Variants in EYS observed in about 807,000 individuals in gnomAD.
EYS encodes the protein EGF-like photoreceptor maintenance factor, also known as protein eyes shut homolog.
In EYS, 250 loss-of-function variants were observed where a neutral mutation model predicts 282.1. The observed-to-expected ratio is 0.89, with a 90% CI of 0.80 to 0.98. The LOEUF (loss-of-function observed/expected upper bound fraction) is 0.98, where lower values mean the gene tolerates loss of function less well. EYS is among the 50% of genes least tolerant of loss of function. The pLI is 0.00. For missense variants in EYS, 4,016 were observed against 3,709.0 expected (o/e 1.08, Z -2.15); for synonymous variants, 1,355 against 1,282.9 (o/e 1.06, Z -1.20).
chr6:64,443,986 T>C (rs1281278235), intron 26 of EYS, among the ~76,000 whole-genome samples: 2 of 152,168 alleles, frequency 1.3e-5, no homozygotes, highest in Non-Finnish European at 2.9e-5. Flanking sequence ...CATGTCCCTA[T>C]TATTACAGTG....
intron 12 of EYS, among the ~76,000 whole-genome samples, chr6:65,089,443 A>G (rs1056737272): frequency 6.6e-6 from 1 of 152,132 alleles, no homozygotes; most frequent in Admixed American, 6.5e-5. Flanking sequence ...TGACTGCCCT[A>G]TTAGATTTTG....
At chr6:65,321,773 C>G (rs1225400756) in intron 11 of EYS, among the ~76,000 whole-genome samples, 1 of 152,164 alleles carries the variant, frequency 6.6e-6, no homozygotes, top group African/African-American at 2.4e-5. Flanking sequence ...GTTGTGTGAG[C>G]TGGTAGGGGG....
intron 2 of EYS, among the ~76,000 whole-genome samples, chr6:65,617,282 C>T (rs927559549): frequency 2.0e-5 from 3 of 152,044 alleles, no homozygotes; most frequent in African/African-American, 4.8e-5. Context: ...GTGAACGAAG[C>T]TATTGATTTA....
intron 26 of EYS, among the ~76,000 whole-genome samples, chr6:64,464,768 A>G: frequency 6.6e-6 from 1 of 152,172 alleles, no homozygotes; most frequent in South Asian, 2.1e-4. Context: ...CTATAAAAAT[A>G]CAAAGTACTA....
chr6:64,332,922 T>C (rs1770699839), intron 29 of EYS, among the ~76,000 whole-genome samples: 1 of 152,212 alleles, frequency 6.6e-6, no homozygotes, highest in Non-Finnish European at 1.5e-5. Flanking sequence ...GAAGGGTGCT[T>C]ATGCATAGTA....
chr6:64,496,442 G>A (rs543711439), intron 26 of EYS, among the ~76,000 whole-genome samples: 2 of 152,024 alleles, frequency 1.3e-5, no homozygotes, highest in South Asian at 4.1e-4. Flanking sequence ...CAAGGGCTCT[G>A]ACTTAATTTT....
chr6:65,605,723 A>G (rs1267289212), intron 2 of EYS, among the ~76,000 whole-genome samples: 2 of 151,846 alleles, frequency 1.3e-5, no homozygotes, highest in Non-Finnish European at 2.9e-5. Context: ...ACTGATATAG[A>G]TTTATATTTA....
Position 64,109,328 on chromosome 6 carries a change from A to G in EYS, c.6425-27326T>C, listed in dbSNP as rs770295984. On this transcript the variant is annotated intron_variant, in intron 31 of 42. Transcript: ENST00000503581. ...CACACTAAGTTTTTTACTTTCTTCA[A>G]CCTTCCTATTTTCTTCATTATTCCA... is the stretch of plus-strand genomic sequence containing the variant. Among the ~76,000 whole-genome samples, 15 of 152,022 alleles carry G rather than the reference A, an allele frequency of 9.9e-5. No homozygotes were observed. In the South Asian group the frequency reaches 2.3e-3, roughly 23 times the overall value.
At position 64,236,753 on chromosome 6, in the gene EYS, T is replaced by A. The variant is rs912798939; in HGVS notation, c.6192-5929A>T. On this transcript the variant is annotated intron_variant, in intron 30 of 42. Coordinates refer to ENST00000503581, the MANE Select transcript of EYS (RefSeq NM_001142800.2). ...CAATTTGCTTTCTATTTCTTTCAGGTTTTTTTAATTTTTTAATTTTTTATC... is the reference window on the plus strand; with the variant it reads ...CAATTTGCTTTCTATTTCTTTCAGGATTTTTTAATTTTTTAATTTTTTATC... 2.6e-5 allele frequency among the ~76,000 whole-genome samples: 4 copies of A among 151,164 alleles called. No homozygotes were observed. The South Asian group carries it at 6.2e-4, about 24-fold the overall frequency.
At chr6:63,910,663 A>C (rs1409563656) in intron 35 of EYS, among the ~76,000 whole-genome samples, 1 of 152,226 alleles carries the variant, frequency 6.6e-6, no homozygotes, top group African/African-American at 2.4e-5. Flanking sequence ...ATCAGGACTA[A>C]AACTCTTTTA....
intron 28 of EYS, among the ~76,000 whole-genome samples, chr6:64,416,392 T>G (rs2150447396): frequency 6.6e-6 from 1 of 152,288 alleles, no homozygotes; most frequent in South Asian, 2.1e-4. Flanking sequence ...CAGCTGAGCT[T>G]ATGCCAAATT....
At chr6:63,828,798 T>A (rs1253692703) in intron 36 of EYS, among the ~76,000 whole-genome samples, 8 of 152,076 alleles carry the variant, frequency 5.3e-5, no homozygotes, top group African/African-American at 1.9e-4. Context: ...ATAAAACAAA[T>A]TTTAAAAAGT....
chr6:64,011,989 T>TTCCTC (rs60358872), intron 33 of EYS, among the ~76,000 whole-genome samples: 19,717 of 134,092 alleles, frequency 0.15, 1,706 homozygotes, highest in African/African-American at 0.18. Context: ...TAATAAGTTT[T>TTCCTC]TCCTCTCCTC....
rs190187950 is a variant in EYS at position 64,108,232 on chromosome 6, C to A, written c.6425-26230G>T. 9.2e-5 allele frequency among the ~76,000 whole-genome samples: 14 copies of A among 152,214 alleles called. No homozygotes were observed. The East Asian group carries it at 2.7e-3, about 29-fold the overall frequency. On this transcript the variant is annotated intron_variant, in intron 31 of 42. Coordinates refer to ENST00000503581, the MANE Select transcript of EYS (RefSeq NM_001142800.2). Reference sequence around the variant, plus strand: ...TGGAATTTTCTCAGACTTGTCTACACCCAGCTTCCAGCAACTTGTCAATTA... The same window carrying A: ...TGGAATTTTCTCAGACTTGTCTACAACCAGCTTCCAGCAACTTGTCAATTA...
intron 30 of EYS, among the ~76,000 whole-genome samples, chr6:64,290,364 G>C (rs1768658611): frequency 6.6e-6 from 1 of 152,068 alleles, no homozygotes; most frequent in African/African-American, 2.4e-5. Flanking sequence ...GGTCAGAATG[G>C]AACAGTAGTG....
intron 35 of EYS, among the ~76,000 whole-genome samples, chr6:63,936,047 C>A (rs1447513334): frequency 6.6e-6 from 1 of 152,190 alleles, no homozygotes; most frequent in Non-Finnish European, 1.5e-5. Flanking sequence ...TAAATTTCCC[C>A]ACTTTGGCTT....
At chr6:64,610,821 T>C (rs376248319) in intron 24 of EYS, among the ~76,000 whole-genome samples, 1 of 152,326 alleles carries the variant, frequency 6.6e-6, no homozygotes, top group East Asian at 1.9e-4. Context: ...TACATTATAC[T>C]TATTTAATAC....
At chr6:64,380,573 T>C (rs543648703) in intron 29 of EYS, among the ~76,000 whole-genome samples, 32 of 152,280 alleles carry the variant, frequency 2.1e-4, no homozygotes, top group Middle Eastern at 3.4e-3. Flanking sequence ...CAAAACAATT[T>C]GACAAGCTAA....
chr6:65,579,346 T>C (rs1764790786), intron 2 of EYS, among the ~76,000 whole-genome samples: 1 of 152,106 alleles, frequency 6.6e-6, no homozygotes, highest in Admixed American at 6.6e-5. Context: ...AAAGGGGGAA[T>C]ATAAACAGTA....
Sources: gnomAD v4.1 joint callset for allele counts (sites outside exome capture counted in the v4.1 genomes callset) on GRCh38, gnomAD v4.1.1 for gene constraint, MANE v1.5 for transcripts, NCBI Gene and HGNC (gene_info 2026-07-23, HGNC 2026-07-21) for gene names.